Variants in SPATA16 observed in about 807,000 individuals in gnomAD.
The protein encoded by SPATA16 is spermatogenesis associated 16.
Under a neutral mutation model 63.3 loss-of-function variants are expected in SPATA16, and 36 were observed. That is an observed-to-expected ratio of 0.57 (90% CI 0.44 to 0.75). The LOEUF (loss-of-function observed/expected upper bound fraction) is 0.75. SPATA16 is among the 30% of genes least tolerant of loss of function. SPATA16 has a pLI of 0.00. For missense variants in SPATA16, 646 were observed against 679.3 expected (o/e 0.95, Z 0.54); for synonymous variants, 203 against 216.7 (o/e 0.94, Z 0.56).
chr3:172,976,816 A>T, intron 5 of SPATA16, 152 bp downstream of exon 5: 1 of 682,954 alleles, frequency 1.5e-6, no homozygotes, highest in Non-Finnish European at 2.6e-6. Flanking sequence ...TAGAAAATCT[A>T]CTTCGTTATG....
chr3:172,987,895 G>A (rs1236738544), intron 4 of SPATA16, among the ~76,000 whole-genome samples: 1 of 152,146 alleles, frequency 6.6e-6, no homozygotes, highest in Non-Finnish European at 1.5e-5. Flanking sequence ...GCAAGTCAAG[G>A]GGTGTGCTTC....
intron 5 of SPATA16, among the ~76,000 whole-genome samples, chr3:172,963,841 T>C (rs1733844447): frequency 6.6e-6 from 1 of 152,260 alleles, no homozygotes; most frequent in African/African-American, 2.4e-5. Flanking sequence ...GTTACAAAAT[T>C]AGAAATGAAA....
intron 4 of SPATA16, among the ~76,000 whole-genome samples, chr3:173,001,086 T>C (rs1577125998): frequency 1.3e-5 from 2 of 152,210 alleles, no homozygotes; most frequent in Non-Finnish European, 2.9e-5. Flanking sequence ...AGCCTTTTAG[T>C]GTGCCTTGCA....
chr3:173,084,182 T>C (rs1011034599), intron 2 of SPATA16, among the ~76,000 whole-genome samples: 2 of 152,156 alleles, frequency 1.3e-5, no homozygotes, highest in African/African-American at 4.8e-5. Context: ...TGCTAGCATC[T>C]GTTGTTTCTT....
At chr3:172,928,786 G>T (rs551858061) in intron 6 of SPATA16, among the ~76,000 whole-genome samples, 1 of 152,074 alleles carries the variant, frequency 6.6e-6, no homozygotes, top group Non-Finnish European at 1.5e-5. Context: ...TTAACTTCCA[G>T]TTGAAGTTTT....
intron 1 of SPATA16, among the ~76,000 whole-genome samples, chr3:173,120,557 T>C (rs1738035216): frequency 6.6e-6 from 1 of 152,220 alleles, no homozygotes; most frequent in African/African-American, 2.4e-5. Flanking sequence ...ATATCTGTAG[T>C]TGATTGTCAT....
chr3:172,992,118 AT>A (rs1734591786), intron 4 of SPATA16, among the ~76,000 whole-genome samples: 1 of 151,988 alleles, frequency 6.6e-6, no homozygotes. Context: ...TACAATACTC[AT>A]TTGTTTCTTT....
intron 3 of SPATA16, among the ~76,000 whole-genome samples, chr3:173,036,931 G>A (rs942134756): frequency 2.0e-5 from 3 of 152,064 alleles, no homozygotes; most frequent in African/African-American, 4.8e-5. Flanking sequence ...AAATAAATAT[G>A]TTTTAATTTC....
intron 2 of SPATA16, among the ~76,000 whole-genome samples, chr3:173,068,033 A>C (rs913832028): frequency 3.3e-5 from 5 of 152,228 alleles, no homozygotes; most frequent in African/African-American, 7.2e-5. Context: ...AACATGAAGG[A>C]GACAAACAAA....
intron 10 of SPATA16, among the ~76,000 whole-genome samples, chr3:172,894,824 G>A (rs1392113): frequency 1 from 152,324 of 152,324 alleles, 76,162 homozygotes; most frequent in Non-Finnish European, 1. Flanking sequence ...CACAGCTAGA[G>A]TGCACCAACT....
chr3:173,117,800 G>A (rs192087582), intron 1 of SPATA16, 51 bp from the exon 2 acceptor site: 1 of 1,612,048 alleles, frequency 6.2e-7, no homozygotes, highest in Non-Finnish European at 8.5e-7. Flanking sequence ...TTGAATTCCA[G>A]TGGTTTAGAC....
rs938326832 is a variant in SPATA16, at chr3:172,978,966, G to A, written c.849-1914C>T. 8.5e-5 allele frequency among the ~76,000 whole-genome samples: 13 copies of A among 152,318 alleles called. 1 individual carries two copies. In the East Asian group the frequency reaches 2.3e-3, roughly 27 times the overall value. ...CAATAGTCTGATGCTGGCCGGGCGC[G>A]TTGGCTCATGCCTGTAATCCCAGCA... On this transcript the variant is annotated intron_variant, in intron 4 of 10. Transcript: ENST00000351008.
intron 2 of SPATA16, among the ~76,000 whole-genome samples, chr3:173,078,301 A>G (rs1270438828): frequency 6.6e-6 from 1 of 152,110 alleles, no homozygotes; most frequent in Non-Finnish European, 1.5e-5. Flanking sequence ...GGCTACTAAC[A>G]TACTGTTAGT....
At chr3:173,005,322 CAAAAGAA>C (rs1734917001) in intron 4 of SPATA16, among the ~76,000 whole-genome samples, 1 of 39,904 alleles carries the variant, frequency 2.5e-5, no homozygotes, top group African/African-American at 9.4e-5. Context: ...GACTCTGTCT[CAAAAGAA>C]AAAAAAAAAA....
intron 1 of SPATA16, among the ~76,000 whole-genome samples, chr3:173,123,728 C>G (rs776158224): frequency 3.3e-5 from 5 of 151,592 alleles, no homozygotes; most frequent in Non-Finnish European, 7.4e-5. Context: ...CTCAGCCTCC[C>G]GAGTATCTGG....
chr3:172,956,552 A>G, intron 6 of SPATA16, 125 bp downstream of exon 6: 3 of 1,023,162 alleles, frequency 2.9e-6, no homozygotes, highest in Non-Finnish European at 4.2e-6. Flanking sequence ...TTCCGTTTCA[A>G]GTCATCAGAT....
intron 9 of SPATA16, among the ~76,000 whole-genome samples, chr3:172,915,194 A>G (rs1732453610): frequency 6.6e-6 from 1 of 152,142 alleles, no homozygotes; most frequent in South Asian, 2.1e-4. Flanking sequence ...TATTATTGCC[A>G]GTTTTGACTT....
At chr3:172,903,922 A>G (rs1431293870) in intron 10 of SPATA16, among the ~76,000 whole-genome samples, 3 of 152,254 alleles carry the variant, frequency 2.0e-5, no homozygotes, top group African/African-American at 7.2e-5. Flanking sequence ...GCTGTCTTAC[A>G]GAATCTGAAC....
chr3:173,044,742 T>G (rs1735918933), intron 3 of SPATA16, among the ~76,000 whole-genome samples: 1 of 152,166 alleles, frequency 6.6e-6, no homozygotes, highest in Non-Finnish European at 1.5e-5. Context: ...ACATATTTCC[T>G]GAAAAATATG....
Sources: allele counts gnomAD v4.1 joint callset (sites outside exome capture counted in the v4.1 genomes callset), GRCh38; gene constraint gnomAD v4.1.1; transcripts MANE v1.5; gene names NCBI Gene and HGNC (gene_info 2026-07-23, HGNC 2026-07-21).